The following NRXN1 variants were observed in gnomAD, a reference collection of about 807,000 sequenced individuals.
NRXN1 encodes neurexin-1.
In NRXN1, 39 loss-of-function variants were observed where a neutral mutation model predicts 150.9. That is an observed-to-expected ratio of 0.26 (90% confidence interval 0.20 to 0.34). The LOEUF (loss-of-function observed/expected upper bound fraction) is 0.34, where lower values mean the gene tolerates loss of function less well. Ranked by LOEUF, NRXN1 falls within the 10% of genes least tolerant of loss-of-function variation. The pLI is 1.00. For synonymous variants in NRXN1, 924 were observed against 757.0 expected, an observed-to-expected ratio of 1.22 and a Z score of -3.62; for missense variants, 1,815 against 1,949.9, an observed-to-expected ratio of 0.93 and a Z score of 1.30.
At chr2:49,995,158 TAG>T (rs1193722963) in intron 21 of NRXN1, among the ~76,000 whole-genome samples, 1 of 152,168 alleles carries the variant, frequency 6.6e-6, no homozygotes, top group East Asian at 1.9e-4. Context: ...GTCAAATCTG[TAG>T]AGTCAAGACA....
intron 17 of NRXN1, among the ~76,000 whole-genome samples, chr2:50,308,925 A>C (rs960863635): frequency 6.6e-6 from 1 of 152,198 alleles, no homozygotes; most frequent in African/African-American, 2.4e-5. Context: ...ATAGGTTGAT[A>C]ATCGTTAAGG....
At chr2:50,471,736 G>A (rs2104700533) in intron 16 of NRXN1, among the ~76,000 whole-genome samples, 1 of 151,818 alleles carries the variant, frequency 6.6e-6, no homozygotes, top group Non-Finnish European at 1.5e-5. Context: ...ACTGGAGGGT[G>A]GAGAGTGTGA....
At chr2:50,126,476 T>C (rs1002521059) in intron 18 of NRXN1, among the ~76,000 whole-genome samples, 3 of 150,052 alleles carry the variant, frequency 2.0e-5, no homozygotes, top group Admixed American at 6.8e-5. Flanking sequence ...GATATAGTCA[T>C]CATATTTCCT....
At chr2:50,733,089 T>G (rs1199285671) in intron 5 of NRXN1, among the ~76,000 whole-genome samples, 2 of 152,148 alleles carry the variant, frequency 1.3e-5, no homozygotes, top group Non-Finnish European at 2.9e-5. Context: ...AAATATCTAA[T>G]GAGGAAAAGG....
At chr2:50,912,205 G>A (rs562447976) in intron 5 of NRXN1, 1 of 151,692 alleles carries the variant, frequency 6.6e-6, no homozygotes, top group African/African-American at 2.4e-5. Context: ...AGATCTTCTG[G>A]GGGAAGGAGT....
chr2:50,406,153 C>T (rs779273120), intron 17 of NRXN1, among the ~76,000 whole-genome samples: 1 of 151,960 alleles, frequency 6.6e-6, no homozygotes, highest in Non-Finnish European at 1.5e-5. Flanking sequence ...ATGTTTTCTG[C>T]TTTCTATAAA....
At chr2:50,525,207 C>T (rs1285774049) in intron 12 of NRXN1, among the ~76,000 whole-genome samples, 2 of 152,162 alleles carry the variant, frequency 1.3e-5, no homozygotes, top group Non-Finnish European at 2.9e-5. Context: ...GTCACAAAAG[C>T]ACCTTGTTCA....
chr2:50,620,145 G>C lies in NRXN1; in HGVS notation c.1197C>G (p.Gly399=). ...GCATGGTATAATCTTCTTGCGTGTA[G>C]CCCGTTGTGGTAAGAATCCCATCCA... The part of the protein sequence containing the change: ...ISVDGILTTT[G]YTQEDYTMLG... The change falls in exon 8 of 23, where the codon GGC becomes GGG. Residue 399 remains glycine (G), a synonymous_variant. Coordinates refer to ENST00000401669, the MANE Select transcript of NRXN1 (RefSeq NM_001330078.2). The C allele has an allele frequency of 3.7e-6, 6 of 1,613,450 alleles. No homozygotes were observed. In the South Asian group the frequency reaches 6.6e-5, roughly 18 times the overall value.
chr2:49,990,150 G>A (rs547811962), intron 21 of NRXN1, among the ~76,000 whole-genome samples: 1 of 152,108 alleles, frequency 6.6e-6, no homozygotes, highest in East Asian at 1.9e-4. Context: ...TAAAAGGGAT[G>A]GCCCTTTATA....
intron 18 of NRXN1, among the ~76,000 whole-genome samples, chr2:50,185,225 T>C (rs2060988726): frequency 6.6e-6 from 1 of 152,108 alleles, no homozygotes; most frequent in South Asian, 2.1e-4. Context: ...ATCTGATCTA[T>C]AACTTCCATT....
chr2:50,641,690 C>T (rs1036410753), intron 5 of NRXN1, among the ~76,000 whole-genome samples: 3 of 151,954 alleles, frequency 2.0e-5, no homozygotes, highest in African/African-American at 4.8e-5. Context: ...GTATTCTTGG[C>T]GACTGGGAAG....
At chr2:50,960,412 T>C (rs1047978733) in intron 2 of NRXN1, among the ~76,000 whole-genome samples, 5 of 151,426 alleles carry the variant, frequency 3.3e-5, no homozygotes, top group African/African-American at 1.2e-4. Context: ...AGGGTAAATG[T>C]ACTCCGCATT....
chr2:50,030,135 A>G (rs931511502), intron 21 of NRXN1, among the ~76,000 whole-genome samples: 7 of 152,176 alleles, frequency 4.6e-5, no homozygotes, highest in African/African-American at 1.4e-4. Flanking sequence ...CATTCAAGAT[A>G]GACTTAATAT....
intron 2 of NRXN1, among the ~76,000 whole-genome samples, chr2:50,946,295 T>C (rs1558469985): frequency 6.6e-6 from 1 of 152,278 alleles, no homozygotes; most frequent in East Asian, 1.9e-4. Flanking sequence ...AAAAAGTTCT[T>C]GACAAATAAG....
At chr2:50,907,151 C>T (rs62140653) in intron 5 of NRXN1, among the ~76,000 whole-genome samples, 11,372 of 150,790 alleles carry the variant, frequency 0.075, 485 homozygotes, top group South Asian at 0.11. Flanking sequence ...GGGAAAAATG[C>T]TACAAAGAGA....
chr2:50,016,511 T>C (rs1686638002), intron 21 of NRXN1: 1 of 152,176 alleles, frequency 6.6e-6, no homozygotes, highest in Non-Finnish European at 1.5e-5. Context: ...TCCGCAGGGC[T>C]ACGGAGGCCT....
At chr2:50,343,656 C>T (rs1182892755) in intron 17 of NRXN1, among the ~76,000 whole-genome samples, 3 of 152,174 alleles carry the variant, frequency 2.0e-5, no homozygotes, top group African/African-American at 4.8e-5. Flanking sequence ...GCGCTCTCTG[C>T]GCCCTGCAAA....
At chr2:50,940,147 T>G (rs1434629893) in intron 2 of NRXN1, among the ~76,000 whole-genome samples, 1 of 151,942 alleles carries the variant, frequency 6.6e-6, no homozygotes, top group African/African-American at 2.4e-5. Flanking sequence ...GAACTTAGAG[T>G]GCAGTTTAAG....
At chr2:50,188,525 G>A (rs962308456) in intron 18 of NRXN1, among the ~76,000 whole-genome samples, 3 of 152,190 alleles carry the variant, frequency 2.0e-5, no homozygotes, top group East Asian at 1.9e-4. Flanking sequence ...TGACAAATGG[G>A]ATCTAATTAA....
Sources: allele counts gnomAD v4.1 joint callset (sites outside exome capture counted in the v4.1 genomes callset), GRCh38; gene constraint gnomAD v4.1.1; transcripts MANE v1.5; gene names NCBI Gene and HGNC (gene_info 2026-07-23, HGNC 2026-07-21).